The following SDHB variants were observed in gnomAD, a reference collection of about 807,000 sequenced individuals.
SDHB encodes the protein succinate dehydrogenase [ubiquinone] iron-sulfur subunit, mitochondrial.
A neutral mutation model predicts 39.7 loss-of-function variants in SDHB; 21 were observed. The ratio of observed to expected loss-of-function variants is 0.53; its 90% confidence interval spans 0.37 to 0.76. The LOEUF (loss-of-function observed/expected upper bound fraction) is 0.76. Ranked by LOEUF, SDHB falls within the 30% of genes least tolerant of loss-of-function variation. The pLI is 0.00. For missense variants in SDHB, 343 were observed against 350.9 expected (o/e 0.98, Z 0.18); for synonymous variants, 118 against 117.0 (o/e 1.01, Z -0.06).
chr1:17,052,386 T>C (rs1448972987), intron 1 of SDHB: 1 of 152,234 alleles, frequency 6.6e-6, no homozygotes, highest in East Asian at 1.9e-4. Flanking sequence ...TGGGTATACA[T>C]GTACATTCCC....
chr1:17,030,308 T>C (rs1455882760), intron 3 of SDHB, among the ~76,000 whole-genome samples: 1 of 152,138 alleles, frequency 6.6e-6, no homozygotes, highest in Non-Finnish European at 1.5e-5. Context: ...TGTGTTGGGA[T>C]TACAGGCCTG....
chr1:17,042,948 T>C (rs1557745929), intron 2 of SDHB, among the ~76,000 whole-genome samples: 1 of 139,680 alleles, frequency 7.2e-6, no homozygotes, highest in Non-Finnish European at 1.5e-5. Context: ...GTTTTTTGTT[T>C]TATGAGTTTT....
chr1:17,051,031 C>A (rs1196699211), intron 1 of SDHB, among the ~76,000 whole-genome samples: 2 of 152,200 alleles, frequency 1.3e-5, no homozygotes, highest in African/African-American at 4.8e-5. Flanking sequence ...AAAAATCCAA[C>A]CTTTTAGCCA....
chr1:17,042,954 G>GTTTTTTTTTTTTTTTTTTTTTT lies in SDHB; in HGVS notation c.200+1785_200+1806dup, dbSNP rs143394198. 3.8e-4 allele frequency among the ~76,000 whole-genome samples: 24 copies of GTTTTTTTTTTTTTTTTTTTTTT among 62,892 alleles called. 5 individuals are homozygous for GTTTTTTTTTTTTTTTTTTTTTT. The highest frequency in any genetic ancestry group is 8.5e-4 in the Admixed American group (3 of 3,532). The allele number at this position is 62,892 out of a possible 152,430, so 41.3% of individuals were successfully genotyped here. A position where few individuals can be genotyped will look rare whatever the true frequency, so the allele number is the denominator to read the frequency against. On this transcript the variant is annotated intron_variant, in intron 2 of 7. Coordinates refer to ENST00000375499, the MANE Select transcript of SDHB (RefSeq NM_003000.3). ...AGCAGTAGGGTTTTTTGTTTTATGA[G>GTTTTTTTTTTTTTTTTTTTTTT]TTTTTTTTTTTTTTTTTTTTTTTTT...
In SDHB at chr1:17,024,097, C is replaced by A. The variant is rs748616625; in HGVS notation, c.541-23G>T. ...GTCCTGTATGGGGAGAAAAGAGAGG[C>A]AGGAGCTTGTGACGGGAGAGACTCT... On this transcript the variant is annotated intron_variant, in intron 5 of 7. Transcript: ENST00000375499. The A allele has an allele frequency of 5.1e-6, 8 of 1,555,082 alleles. No homozygotes were observed. The South Asian group carries it at 8.9e-5, about 17-fold the overall frequency.
At chr1:17,042,016 T>C (rs1293540922) in intron 2 of SDHB, among the ~76,000 whole-genome samples, 1 of 151,916 alleles carries the variant, frequency 6.6e-6, no homozygotes, top group East Asian at 1.9e-4. Flanking sequence ...CCGCCTCCCA[T>C]GTTCAAGTGA....
chr1:17,035,865 T>A (rs1006371731), intron 2 of SDHB, among the ~76,000 whole-genome samples: 8 of 151,508 alleles, frequency 5.3e-5, no homozygotes, highest in Non-Finnish European at 8.8e-5. Context: ...CTCAAAAAAA[T>A]AAATAAATAA....
intron 5 of SDHB, among the ~76,000 whole-genome samples, chr1:17,026,642 G>T (rs1407882306): frequency 1.3e-5 from 2 of 152,126 alleles, no homozygotes; most frequent in East Asian, 3.9e-4. Context: ...TGGGATTACA[G>T]ATGAGCCACT....
intron 6 of SDHB, 74 bp downstream of exon 6, chr1:17,023,899 G>T: frequency 8.8e-7 from 1 of 1,140,792 alleles, no homozygotes; most frequent in Non-Finnish European, 1.3e-6. Context: ...CTGGCTTACA[G>T]CAATCTATTG....
intron 2 of SDHB, among the ~76,000 whole-genome samples, chr1:17,043,212 C>T (rs1427550585): frequency 6.6e-6 from 1 of 152,010 alleles, no homozygotes; most frequent in East Asian, 1.9e-4. Flanking sequence ...CCACCTGCCT[C>T]GGCTTCCCAA....
intron 1 of SDHB, 90 bp from the exon 2 acceptor site, chr1:17,044,978 T>C: frequency 1.7e-6 from 2 of 1,158,862 alleles, no homozygotes; most frequent in South Asian, 1.3e-5. Flanking sequence ...TAACGCTGGA[T>C]ATAAACTCAC....
chr1:17,046,573 T>C (rs1011620548), intron 1 of SDHB, among the ~76,000 whole-genome samples: 1 of 152,202 alleles, frequency 6.6e-6, no homozygotes, highest in African/African-American at 2.4e-5. Context: ...ATCACGAGTC[T>C]GCCTTTTACA....
chr1:17,046,643 CATA>C (rs1361895812), intron 1 of SDHB, among the ~76,000 whole-genome samples: 1 of 152,146 alleles, frequency 6.6e-6, no homozygotes, highest in African/African-American at 2.4e-5. Flanking sequence ...TTTCACTCAA[CATA>C]ATGCTTCTGA....
intron 7 of SDHB, among the ~76,000 whole-genome samples, chr1:17,019,541 A>G (rs1288535266): frequency 6.6e-6 from 1 of 152,092 alleles, no homozygotes; most frequent in Non-Finnish European, 1.5e-5. Context: ...TGCCAGCTTC[A>G]TTGAAGTAGA....
chr1:17,028,127 ACAC>A (rs1428354614), intron 4 of SDHB, among the ~76,000 whole-genome samples: 7 of 152,160 alleles, frequency 4.6e-5, no homozygotes, highest in African/African-American at 1.2e-4. Context: ...GCCCTTGAAA[ACAC>A]CACGTCAGCA....
chr1:17,023,035 T>C (rs1299621469), intron 6 of SDHB: 2 of 380,504 alleles, frequency 5.3e-6, no homozygotes, highest in South Asian at 2.1e-5. Flanking sequence ...ACCCAGCTTA[T>C]AATTTGGTGA....
chr1:17,048,804 G>A lies in SDHB; in HGVS notation c.73-3916C>T, dbSNP rs955307418. On this transcript the variant is annotated intron_variant, in intron 1 of 7. Coordinates refer to ENST00000375499, the MANE Select transcript of SDHB (RefSeq NM_003000.3). ...CGGCTCACTGCAACCTCCACCTCCC[G>A]ACTTCAAGTGATTCTTCTGCCTCAG... 5.3e-5 allele frequency among the ~76,000 whole-genome samples: 8 copies of A among 151,408 alleles called. 1 individual carries two copies. The highest frequency in any genetic ancestry group is 3.3e-4 in the Admixed American group (5 of 15,196).
chr1:17,030,774 C>T (rs1323784378), intron 3 of SDHB, among the ~76,000 whole-genome samples: 2 of 151,774 alleles, frequency 1.3e-5, no homozygotes, highest in Non-Finnish European at 2.9e-5. Context: ...CTCTGCCTCC[C>T]GGGTTCAAGT....
chr1:17,026,594 A>T (rs996972445), intron 5 of SDHB, among the ~76,000 whole-genome samples: 1 of 151,806 alleles, frequency 6.6e-6, no homozygotes, highest in Non-Finnish European at 1.5e-5. Context: ...CGAACAACTG[A>T]CCTCAAGTGA....
Sources: gnomAD v4.1 joint callset for allele counts (sites outside exome capture counted in the v4.1 genomes callset) on GRCh38, gnomAD v4.1.1 for gene constraint, MANE v1.5 for transcripts, NCBI Gene and HGNC (gene_info 2026-07-23, HGNC 2026-07-21) for gene names.